CCDC141: variants seen among roughly 807,000 people sequenced by gnomAD.
CCDC141 encodes the protein coiled-coil domain containing 141.
CCDC141 carries 168 observed loss-of-function variants against 181.0 expected under a neutral mutation model. The observed-to-expected ratio is 0.93, with a 90% CI of 0.82 to 1.05. CCDC141 has a LOEUF of 1.05. Ranked by LOEUF, CCDC141 falls within the 50% of genes least tolerant of loss-of-function variation. CCDC141 has a pLI of 0.00. For synonymous variants in CCDC141, 666 were observed against 642.3 expected, an observed-to-expected ratio of 1.04 and a Z score of -0.56; for missense variants, 1,902 against 1,788.5, an observed-to-expected ratio of 1.06 and a Z score of -1.14.
chr2:178,818,585 A>G, the CCDC141 span, among the ~76,000 whole-genome samples: 1 of 152,148 alleles, frequency 6.6e-6, no homozygotes. Flanking sequence ...AGTTCCATCC[A>G]TGTCCCTGCA....
At chr2:179,029,267 T>A (rs994876083) in intron 2 of CCDC141, among the ~76,000 whole-genome samples, 3 of 152,220 alleles carry the variant, frequency 2.0e-5, no homozygotes, top group African/African-American at 4.8e-5. Flanking sequence ...ATATATTATC[T>A]TGCCATGATT....
chr2:178,850,365 C>T (rs889965878), intron 20 of CCDC141, among the ~76,000 whole-genome samples: 5 of 152,184 alleles, frequency 3.3e-5, no homozygotes, highest in Non-Finnish European at 7.3e-5. Context: ...ATTTGCTGTA[C>T]CACGCCACTT....
At chr2:179,009,198 C>T (rs2154384204) in intron 2 of CCDC141, among the ~76,000 whole-genome samples, 2 of 152,262 alleles carry the variant, frequency 1.3e-5, no homozygotes, top group South Asian at 4.2e-4. Context: ...CCTATACCCT[C>T]CTTTTCCTTG....
intron 8 of CCDC141, among the ~76,000 whole-genome samples, chr2:178,899,903 T>A (rs1481786141): frequency 1.3e-5 from 2 of 152,088 alleles, no homozygotes; most frequent in African/African-American, 2.4e-5. Context: ...AGGAAGCAAA[T>A]CCCAAACAGA....
chr2:178,872,396 A>G, intron 12 of CCDC141, 84 bp from the exon 13 acceptor site: 1 of 1,243,008 alleles, frequency 8.0e-7, no homozygotes, highest in Non-Finnish European at 1.1e-6. Context: ...TACGAGGCAA[A>G]TTCTTTATCA....
chr2:178,966,947 G>A (rs1370766456), intron 4 of CCDC141, among the ~76,000 whole-genome samples: 5 of 151,648 alleles, frequency 3.3e-5, no homozygotes, highest in African/African-American at 7.3e-5. Flanking sequence ...GGAGAACTTC[G>A]TGAAGCATAC....
At chr2:179,014,337 A>G (rs543330162) in intron 2 of CCDC141, among the ~76,000 whole-genome samples, 2 of 152,306 alleles carry the variant, frequency 1.3e-5, no homozygotes, top group African/African-American at 4.8e-5. Flanking sequence ...AACACTGGAA[A>G]AACCCTTCTA....
intron 13 of CCDC141, 80 bp downstream of exon 13, chr2:178,872,053 G>T: frequency 1.5e-6 from 2 of 1,361,696 alleles, no homozygotes; most frequent in Non-Finnish European, 2.0e-6. Flanking sequence ...ATTTCACTTA[G>T]CTAGTGTTTT....
rs368479201 is a variant in CCDC141 at position 179,038,373 on chromosome 2, TA to T, written c.225+8910del. ...TACCAGTGGAAGTAATAATTAGAGTTATTTTTTTACTGGGTACTGAGTTTCT... is the reference window on the plus strand; with the variant it reads ...TACCAGTGGAAGTAATAATTAGAGTTTTTTTTTACTGGGTACTGAGTTTCT... On this transcript the variant is annotated intron_variant, in intron 2 of 23. Transcript: ENST00000443758. 1.5e-3 allele frequency among the ~76,000 whole-genome samples: 223 copies of T among 152,278 alleles called. 1 individual carries two copies. Among genetic ancestry groups the T allele is most frequent in the African/African-American group, 4.9e-3 (203 of 41,566 alleles).
chr2:178,893,613 G>A (rs1404121084), intron 8 of CCDC141, among the ~76,000 whole-genome samples: 2 of 152,052 alleles, frequency 1.3e-5, no homozygotes, highest in Non-Finnish European at 2.9e-5. Context: ...CCCGAAGAGT[G>A]TCTTTTTATG....
At chr2:178,815,209 C>G in the CCDC141 span, among the ~76,000 whole-genome samples, 13 of 152,168 alleles carry the variant, frequency 8.5e-5, no homozygotes, top group Non-Finnish European at 1.8e-4. Flanking sequence ...ATCTTAAGGA[C>G]ATGAACAACT....
At chr2:179,046,424 G>A (rs535745882) in intron 2 of CCDC141, among the ~76,000 whole-genome samples, 16 of 152,302 alleles carry the variant, frequency 1.1e-4, no homozygotes, top group East Asian at 3.9e-4. Flanking sequence ...GATATAAGTC[G>A]GCTGTCCTGT....
intron 7 of CCDC141, among the ~76,000 whole-genome samples, chr2:178,909,382 T>G (rs1297635168): frequency 6.6e-6 from 1 of 152,194 alleles, no homozygotes; most frequent in Non-Finnish European, 1.5e-5. Context: ...GTAAGTGATT[T>G]TACTCCTTCA....
intron 2 of CCDC141, among the ~76,000 whole-genome samples, chr2:179,011,002 C>T (rs1337666499): frequency 6.6e-6 from 1 of 151,816 alleles, no homozygotes; most frequent in African/African-American, 2.4e-5. Flanking sequence ...ACTAAAGATA[C>T]AAAAAATTAG....
chr2:178,944,861 G>T (rs562602431), intron 5 of CCDC141, among the ~76,000 whole-genome samples: 1 of 152,112 alleles, frequency 6.6e-6, no homozygotes, highest in East Asian at 1.9e-4. Flanking sequence ...ATCCCAAAAA[G>T]TATGAAAATG....
At chr2:178,898,886 C>T (rs1687541796) in intron 8 of CCDC141, among the ~76,000 whole-genome samples, 1 of 152,140 alleles carries the variant, frequency 6.6e-6, no homozygotes. Context: ...CCTTTTAATA[C>T]ATTAAGATAA....
intron 8 of CCDC141, among the ~76,000 whole-genome samples, chr2:178,897,862 C>A (rs1687486904): frequency 6.6e-6 from 1 of 152,112 alleles, no homozygotes; most frequent in Non-Finnish European, 1.5e-5. Context: ...GGTCCTGGAC[C>A]CAGCATTTCC....
chr2:178,995,110 T>C (rs1490290674), intron 2 of CCDC141, among the ~76,000 whole-genome samples: 2 of 152,226 alleles, frequency 1.3e-5, no homozygotes, highest in Non-Finnish European at 2.9e-5. Flanking sequence ...ACATTTCAGG[T>C]ATCTTTTCAG....
intron 2 of CCDC141, among the ~76,000 whole-genome samples, chr2:178,989,854 A>AG (rs1559032240): frequency 6.9e-6 from 1 of 144,072 alleles, no homozygotes; most frequent in African/African-American, 2.5e-5. Flanking sequence ...AAAAAAAAAA[A>AG]GGAGGCCGGG....
Sources: allele counts gnomAD v4.1 joint callset (sites outside exome capture counted in the v4.1 genomes callset), GRCh38; gene constraint gnomAD v4.1.1; transcripts MANE v1.5; gene names NCBI Gene and HGNC (gene_info 2026-07-23, HGNC 2026-07-21).